NAV2: variants seen among roughly 807,000 people sequenced by gnomAD.
The protein encoded by NAV2 is helicase, APC down-regulated 1.
A neutral mutation model predicts 223.2 loss-of-function variants in NAV2; 54 were observed. The ratio of observed to expected loss-of-function variants is 0.24; its 90% CI spans 0.19 to 0.30. The LOEUF (loss-of-function observed/expected upper bound fraction) is 0.30, where lower values mean the gene tolerates loss of function less well. NAV2 is among the 10% of genes least tolerant of loss of function. NAV2 has a pLI of 1.00. For missense variants in NAV2, 2,806 were observed against 3,147.5 expected (o/e 0.89, Z 2.60); for synonymous variants, 1,279 against 1,239.3 (o/e 1.03, Z -0.67).
intron 1 of NAV2, among the ~76,000 whole-genome samples, chr11:19,590,737 A>C (rs1199882091): frequency 6.6e-6 from 1 of 152,170 alleles, no homozygotes; most frequent in Non-Finnish European, 1.5e-5. Flanking sequence ...CAAACAACCA[A>C]ATACCACCAT....
At chr11:19,407,169 C>A (rs377071312) in intron 1 of NAV2, among the ~76,000 whole-genome samples, 1 of 152,138 alleles carries the variant, frequency 6.6e-6, no homozygotes, top group Non-Finnish European at 1.5e-5. Context: ...TCATTCATTT[C>A]ATAAATAGTT....
intron 11 of NAV2, among the ~76,000 whole-genome samples, chr11:20,017,276 A>G (rs1275589078): frequency 6.6e-6 from 1 of 152,150 alleles, no homozygotes; most frequent in Non-Finnish European, 1.5e-5. Flanking sequence ...CTTCAAACAT[A>G]GTAACCACCT....
chr11:20,070,632 T>A (rs1020982560), intron 22 of NAV2, among the ~76,000 whole-genome samples: 4 of 152,218 alleles, frequency 2.6e-5, no homozygotes, highest in Non-Finnish European at 5.9e-5. Context: ...TTGTCTGCCA[T>A]CTTTCTCGCA....
intron 1 of NAV2, among the ~76,000 whole-genome samples, chr11:19,621,399 T>A (rs2046990245): frequency 6.6e-6 from 1 of 152,200 alleles, no homozygotes; most frequent in Non-Finnish European, 1.5e-5. Context: ...CTTTTTTTGG[T>A]TGGCAAGCTA....
chr11:19,886,741 A>G (rs1481947379), intron 5 of NAV2, among the ~76,000 whole-genome samples: 1 of 152,172 alleles, frequency 6.6e-6, no homozygotes, highest in Non-Finnish European at 1.5e-5. Flanking sequence ...GTCCCAGATG[A>G]TGGAAGAAGG....
intron 1 of NAV2, among the ~76,000 whole-genome samples, chr11:19,394,630 G>A (rs1180469056): frequency 6.6e-6 from 1 of 152,202 alleles, no homozygotes; most frequent in South Asian, 2.1e-4. Flanking sequence ...CATGTCTAGT[G>A]GGGAAGGAAA....
In NAV2 at chr11:20,084,593, A is replaced by G. The variant is rs372421978; in HGVS notation, c.5498+1414A>G. Reference sequence around the variant, plus strand: ...GGGGAAGGAAGAAGGACACTGAGGGACTGGACTTCGGTTTGGCCCTGCAGT... The same window carrying G: ...GGGGAAGGAAGAAGGACACTGAGGGGCTGGACTTCGGTTTGGCCCTGCAGT... On this transcript the variant is annotated intron_variant, in intron 26 of 37. Transcript: ENST00000349880. Among the ~76,000 whole-genome samples, 145 of 152,296 alleles carry G rather than the reference A, an allele frequency of 9.5e-4. 1 individual carries two copies. In the South Asian group the frequency reaches 0.019, roughly 20 times the overall value.
rs1282669149 is a variant in NAV2, at chr11:19,933,506, G to A, written c.1262G>A (p.Gly421Glu). The A allele has an allele frequency of 2.5e-6, 4 of 1,610,754 alleles. No homozygotes were observed. The highest frequency in any genetic ancestry group is 2.2e-5 in the East Asian group (1 of 44,832). ...KGGSKAGEGP[G>E]SRDTSCERLE... ...GGCTCAAAGGCAGGTGAGGGGCCGG[G>A]GTCCCGGGACACAAGCTGTGAGCGG... The change falls in exon 7 of 38, where the codon GGG (glycine) becomes GAG (glutamate). Residue 421 changes from glycine to glutamate, a missense_variant. Gly to Glu is a moderately conservative substitution (Grantham distance 98, BLOSUM62 -2). Coordinates refer to ENST00000349880, the MANE Select transcript of NAV2 (RefSeq NM_145117.5). This position sits in a 1 kb window ranked among gnomAD's most constrained non-coding sequence, Gnocchi z 4.3.
At chr11:19,555,511 C>A (rs2134702976) in intron 1 of NAV2, among the ~76,000 whole-genome samples, 1 of 152,330 alleles carries the variant, frequency 6.6e-6, no homozygotes, top group South Asian at 2.1e-4. Context: ...TAAGAAACAA[C>A]AAGCAGCAGT....
rs2062890568 is a variant in NAV2, at chr11:20,114,527, C to T, written c.6961-65C>T. 3 of 1,508,140 alleles carry T rather than the reference C, an allele frequency of 2.0e-6. No individual in the cohort carries two copies. In the Admixed American group the frequency reaches 5.2e-5, roughly 26 times the overall value. The allele number at this position is 1,508,140 out of a possible 1,614,324, so 93.4% of individuals were successfully genotyped here. A position where few individuals can be genotyped will look rare whatever the true frequency, so the allele number is the denominator to read the frequency against. ...ATTTGGGGAGTTTTTCAGAAAGCTG[C>T]AAAACTGGGGCTACGAGAGAGATCT... On this transcript the variant is annotated intron_variant, in intron 36 of 37. Transcript: ENST00000349880.
rs929110458 is a variant in NAV2 at position 19,549,555 on chromosome 11, C to T, written c.75+198528C>T. ...GGAGGGCAGGTACCGTGAGAGAGCA[C>T]AACCCCCCTCCTACCAATCGTATGG... is the stretch of plus-strand genomic sequence containing the variant. On this transcript the variant is annotated intron_variant, in intron 1 of 37. Coordinates refer to the NAV2 transcript ENST00000360655. Among the ~76,000 whole-genome samples the T allele has an allele frequency of 2.6e-5, 4 of 152,238 alleles. No homozygotes were observed. In the East Asian group the frequency reaches 7.7e-4, roughly 29 times the overall value.
At chr11:19,548,484 A>AG (rs1565038926) in intron 1 of NAV2, among the ~76,000 whole-genome samples, 1 of 152,142 alleles carries the variant, frequency 6.6e-6, no homozygotes, top group Non-Finnish European at 1.5e-5. Context: ...GTTACTGGAA[A>AG]GGGGGGAGTT....
intron 3 of NAV2, among the ~76,000 whole-genome samples, chr11:19,865,312 G>A (rs1207171959): frequency 6.6e-6 from 1 of 152,168 alleles, no homozygotes; most frequent in African/African-American, 2.4e-5. Context: ...TTGAGATGTG[G>A]TAGGAGTTTG....
At chr11:19,684,876 A>G (rs955225365) in intron 1 of NAV2, among the ~76,000 whole-genome samples, 1 of 152,190 alleles carries the variant, frequency 6.6e-6, no homozygotes, top group African/African-American at 2.4e-5. Context: ...ACATTGCCCA[A>G]AGTTGGGTCA....
chr11:19,895,436 C>A (rs759495239), intron 6 of NAV2, among the ~76,000 whole-genome samples: 58 of 152,230 alleles, frequency 3.8e-4, no homozygotes, highest in Non-Finnish European at 6.8e-4. Flanking sequence ...ACTGTTAACT[C>A]AATTTTACAG....
At chr11:19,683,476 C>A (rs1037935958) in intron 1 of NAV2, among the ~76,000 whole-genome samples, 1 of 152,242 alleles carries the variant, frequency 6.6e-6, no homozygotes, top group Non-Finnish European at 1.5e-5. Context: ...TTGTACTGAG[C>A]TCAGCCAAAT....
At chr11:19,584,165 T>G (rs1230346292) in intron 1 of NAV2, among the ~76,000 whole-genome samples, 2 of 152,242 alleles carry the variant, frequency 1.3e-5, no homozygotes, top group Non-Finnish European at 2.9e-5. Context: ...TTTATTTGCA[T>G]AGAGGTGTTC....
intron 19 of NAV2, chr11:20,056,658 A>T (rs747106365): frequency 2.8e-6 from 4 of 1,425,738 alleles, no homozygotes; most frequent in Non-Finnish European, 3.0e-6. Context: ...TCTGTGGAGG[A>T]TATCATCCCC....
At chr11:19,608,064 C>T (rs981572905) in intron 1 of NAV2, among the ~76,000 whole-genome samples, 1 of 152,202 alleles carries the variant, frequency 6.6e-6, no homozygotes, top group African/African-American at 2.4e-5. Flanking sequence ...AAAACAATAA[C>T]AACCCTGGTT....
Sources: gnomAD v4.1 joint callset for allele counts (sites outside exome capture counted in the v4.1 genomes callset) on GRCh38, gnomAD v4.1.1 for gene constraint, Gnocchi (gnomAD v3.1) non-coding constraint, MANE v1.5 for transcripts, NCBI Gene and HGNC (gene_info 2026-07-23, HGNC 2026-07-21) for gene names.